Variants in CC2D1B observed in about 807,000 individuals in gnomAD.
CC2D1B encodes the protein coiled-coil and C2 domain containing 1B.
A neutral mutation model predicts 110.8 loss-of-function variants in CC2D1B; 92 were observed. The ratio of observed to expected loss-of-function variants is 0.83; its 90% CI spans 0.70 to 0.99. The LOEUF is 0.99. Ranked by LOEUF, CC2D1B falls within the 50% of genes least tolerant of loss-of-function variation. The pLI is 0.00. For missense variants in CC2D1B, 1,136 were observed against 1,089.0 expected, an observed-to-expected ratio of 1.04 and a Z score of -0.61; for synonymous variants, 406 against 429.2, an observed-to-expected ratio of 0.95 and a Z score of 0.67.
intron 7 of CC2D1B, 53 bp downstream of exon 7, chr1:52,360,021 G>A (rs370954007): frequency 2.6e-5 from 41 of 1,548,050 alleles, no homozygotes; most frequent in Middle Eastern, 2.2e-4. Context: ...GGGGACACAC[G>A]CTGTGGGCTA....
intron 24 of CC2D1B, 135 bp from the exon 25 acceptor site, chr1:52,353,358 T>C (rs1646567681): frequency 6.6e-7 from 1 of 1,505,254 alleles, no homozygotes; most frequent in South Asian, 1.4e-5. Flanking sequence ...TTCCCAGTTC[T>C]ACTGAGGAAC....
At chr1:52,356,517 C>T (rs921481555) in intron 16 of CC2D1B, 75 bp from the exon 17 acceptor site, 3 of 1,519,402 alleles carry the variant, frequency 2.0e-6, no homozygotes, top group Non-Finnish European at 2.7e-6. Context: ...GGCTAGACTT[C>T]TCAAAGCTTC....
At position 52,353,582 on chromosome 1, in the gene CC2D1B, CAG is replaced by C. The variant is rs971490233; in HGVS notation, c.2494_2495del (p.Leu832GlufsTer10). 26 of 1,613,766 alleles carry C rather than the reference CAG, an allele frequency of 1.6e-5. No individual in the cohort carries two copies. The highest frequency in any genetic ancestry group is 2.2e-5 in the Non-Finnish European group (26 of 1,179,908). On this transcript the variant is annotated frameshift_variant, in exon 24 of 25. Coordinates refer to ENST00000284376, the MANE Select transcript of CC2D1B (RefSeq NM_001330585.2). LOFTEE classifies it high-confidence loss of function. ...LEVKVRLREP[L>X]SGQDVQMVTE... is the part of the protein sequence containing the mutation. Reference sequence around the variant, plus strand: ...TGACCATCTGCACATCCTGGCCACTCAGAGGCTCCCGCAGCCTCACCTTCACC... The same window carrying C: ...TGACCATCTGCACATCCTGGCCACTCAGGCTCCCGCAGCCTCACCTTCACC...
intron 3 of CC2D1B, 62 bp from the exon 4 acceptor site, chr1:52,361,678 A>C (rs1301723759): frequency 6.3e-7 from 1 of 1,599,396 alleles, no homozygotes; most frequent in East Asian, 2.2e-5. Flanking sequence ...TGAGTAAAGG[A>C]GGGGCTTGGT....
intron 12 of CC2D1B, 60 bp downstream of exon 12, chr1:52,358,626 C>G: frequency 1.3e-6 from 2 of 1,575,790 alleles, no homozygotes; most frequent in Non-Finnish European, 1.7e-6. Context: ...GGCTGTCCCC[C>G]ATTCCCTTCT....
In CC2D1B at chr1:52,350,643, AGT is replaced by A. The variant is rs536345422; in HGVS notation, c.*2580_*2581del. 6.6e-6 allele frequency: 1 copy of A among 152,258 alleles called. No individual in the cohort carries two copies. Among genetic ancestry groups the A allele is most frequent in the Non-Finnish European group, 1.5e-5 (1 of 68,050 alleles). 9.4% of individuals were successfully genotyped at this position (152,258 alleles called of 1,614,324 possible). A position where few individuals can be genotyped will look rare whatever the true frequency, so the allele number is the denominator to read the frequency against. On this transcript the variant is annotated 3_prime_UTR_variant, in exon 25 of 25. Transcript: ENST00000284376. ...TATTCAGTTTGCTAATTCAGAAGAA[AGT>A]GTGCATTGCATGAGATCAAAGAATT...
At position 52,353,117 on chromosome 1, in the gene CC2D1B, T is replaced by G; in HGVS notation, c.*108A>C. 1 of 1,147,864 alleles carries G rather than the reference T, an allele frequency of 8.7e-7. No individual in the cohort carries two copies. The highest frequency in any genetic ancestry group is 1.2e-6 in the Non-Finnish European group (1 of 846,336). The allele number at this position is 1,147,864 out of a possible 1,614,324, so 71.1% of individuals were successfully genotyped here. ...ACATGCTTAACAGGTCTTTGGTGCT[T>G]GGGTAGCAGCATCTCTTATGTACAA... On this transcript the variant is annotated 3_prime_UTR_variant, in exon 25 of 25. Coordinates refer to ENST00000284376, the MANE Select transcript of CC2D1B (RefSeq NM_001330585.2).
intron 6 of CC2D1B, 28 bp downstream of exon 6, chr1:52,360,391 CCCCTG>C (rs1442509650): frequency 6.2e-7 from 1 of 1,610,236 alleles, no homozygotes; most frequent in Non-Finnish European, 8.5e-7. Flanking sequence ...GCAGCCCCCT[CCCCTG>C]CCCTGCTCCC....
rs754509387 is a variant in CC2D1B, at chr1:52,362,602, C to G, written c.214G>C (p.Ala72Pro). The change falls in exon 3 of 25, where the codon GCC becomes CCC. Residue 72 changes from alanine (A) to proline (P), a missense_variant and splice_region_variant. Coordinates refer to ENST00000284376, the MANE Select transcript of CC2D1B (RefSeq NM_001330585.2). ...AGACCAGCCCTGTGTCCAAACTCAC[C>G]CTGCCCCTTGGGTGCTGGCTTCTTG... ...TGKKPAPKGQ[A>P]PLPMAHIEKL... 3 of 1,614,146 alleles carry G rather than the reference C, an allele frequency of 1.9e-6. No homozygotes were observed. In the South Asian group the frequency reaches 3.3e-5, roughly 18 times the overall value.
chr1:52,359,915 C>A, intron 7 of CC2D1B, 32 bp from the exon 8 acceptor site: 1 of 1,595,388 alleles, frequency 6.3e-7, no homozygotes, highest in South Asian at 1.1e-5. Context: ...CCAGAGAGCA[C>A]ATGAGGGTCA....
chr1:52,356,955 G>A (rs1254759606), intron 16 of CC2D1B, 46 bp downstream of exon 16: 6 of 1,527,080 alleles, frequency 3.9e-6, no homozygotes, highest in Non-Finnish European at 5.3e-6. Context: ...CCTCCACGGG[G>A]AGGCTGTGGG....
Position 52,361,406 on chromosome 1 carries a change from C to CA in CC2D1B, c.318+106dup, listed in dbSNP as rs1646779821. 4 of 1,558,468 alleles carry CA rather than the reference C, an allele frequency of 2.6e-6. No homozygotes were observed. In the South Asian group the frequency reaches 4.8e-5, roughly 19 times the overall value. ...CAGCCAGGAGGGGCAAGCACTCACTCAGAGTCAGAGAATACAGGGGCACCC... is the reference window on the plus strand; with the variant it reads ...CAGCCAGGAGGGGCAAGCACTCACTCAAGAGTCAGAGAATACAGGGGCACCC... On this transcript the variant is annotated intron_variant, in intron 4 of 24. Coordinates refer to ENST00000284376, the MANE Select transcript of CC2D1B (RefSeq NM_001330585.2).
Position 52,363,326 on chromosome 1 carries a change from T to C in CC2D1B, c.70-580A>G, listed in dbSNP as rs569916727. On this transcript the variant is annotated intron_variant, in intron 2 of 24. Transcript: ENST00000284376. ...AGGAGAATGGCGTGAACCCGGGAGATGGAGCTTGCAGTGAGCCAAGATGGC... is the reference window on the plus strand; with the variant it reads ...AGGAGAATGGCGTGAACCCGGGAGACGGAGCTTGCAGTGAGCCAAGATGGC... Among the ~76,000 whole-genome samples the C allele has an allele frequency of 4.1e-5, 6 of 145,160 alleles. No homozygotes were observed. In the South Asian group the frequency reaches 6.5e-4, roughly 16 times the overall value.
rs1185035762 is a variant in CC2D1B, at chr1:52,360,411, T to A, written c.603+13A>T. ...CCCCTCCCCTGCCCTGCTCCCAGCC[T>A]AGCCCGACTCACCTTCAGGCCGCGC... On this transcript the variant is annotated intron_variant, in intron 6 of 24. Coordinates refer to ENST00000284376, the MANE Select transcript of CC2D1B (RefSeq NM_001330585.2). 1.2e-6 allele frequency: 2 copies of A among 1,612,622 alleles called. No individual in the cohort carries two copies. The highest frequency in any genetic ancestry group is 8.5e-7 in the Non-Finnish European group (1 of 1,179,610).
intron 1 of CC2D1B, among the ~76,000 whole-genome samples, chr1:52,365,489 C>A (rs1270863161): frequency 6.6e-6 from 1 of 152,242 alleles, no homozygotes; most frequent in Non-Finnish European, 1.5e-5. Flanking sequence ...AGCAGCTTGG[C>A]CTGTACAATG....
In CC2D1B at chr1:52,356,397, C is replaced by T; in HGVS notation, c.1924G>A (p.Ala642Thr). ...CCTTGCACTTACCGGGTGGTCTCAG[C>T]CACGTTGCCCTGGTGCATGAACTGC... ...SKQFMHQGNV[A>T]ETTRFEKLAQ... Residue 642 changes from alanine (A) to threonine (T), a missense_variant, in exon 17 of 25, where the codon GCT (alanine) becomes ACT (threonine). Physicochemically the swap from Ala to Thr is moderately conservative, Grantham distance 58. Coordinates refer to ENST00000284376, the MANE Select transcript of CC2D1B (RefSeq NM_001330585.2). The T allele has an allele frequency of 6.2e-7, 1 of 1,614,242 alleles. No homozygotes were observed. Among genetic ancestry groups the T allele is most frequent in the Non-Finnish European group, 8.5e-7 (1 of 1,180,044 alleles).
intron 7 of CC2D1B, 80 bp from the exon 8 acceptor site, chr1:52,359,963 T>G (rs1646743654): frequency 1.3e-6 from 2 of 1,553,484 alleles, no homozygotes; most frequent in Non-Finnish European, 1.7e-6. Flanking sequence ...GGCTTGAGGA[T>G]GTCCTGGGGA....
In CC2D1B at chr1:52,358,460, TC is replaced by T; in HGVS notation, c.1331del (p.Gly444AspfsTer120). The T allele has an allele frequency of 6.2e-7, 1 of 1,613,340 alleles. No individual in the cohort carries two copies. The highest frequency in any genetic ancestry group is 8.5e-7 in the Non-Finnish European group (1 of 1,179,900). ...VNFAELPVPP[G>X]FPPIPGLEST... ...ACTCCAGGCCAGGGATGGGGGGAAA[TC>T]CTGTGGGAGAGAGACAGCATGGGAG... On this transcript the variant is annotated frameshift_variant and splice_region_variant, in exon 13 of 25. Transcript: ENST00000284376. LOFTEE classifies it high-confidence loss of function.
rs1206136611 is a variant in CC2D1B, at chr1:52,358,812, T to C, written c.1258-54A>G. On this transcript the variant is annotated intron_variant, in intron 11 of 24. Coordinates refer to ENST00000284376, the MANE Select transcript of CC2D1B (RefSeq NM_001330585.2). ...GGTCGGCAGCAGCCCACAGGCCCCCTGCCCAACATGACACACAGTGGGGCA... is the reference window on the plus strand; with the variant it reads ...GGTCGGCAGCAGCCCACAGGCCCCCCGCCCAACATGACACACAGTGGGGCA... 4.5e-6 allele frequency: 7 copies of C among 1,546,628 alleles called. No individual in the cohort carries two copies. The East Asian group carries it at 1.6e-4, about 35-fold the overall frequency.
Sources: gnomAD v4.1 joint callset for allele counts (sites outside exome capture counted in the v4.1 genomes callset) on GRCh38, gnomAD v4.1.1 for gene constraint, MANE v1.5 for transcripts, NCBI Gene and HGNC (gene_info 2026-07-23, HGNC 2026-07-21) for gene names.